Variants in TPTE observed in about 807,000 individuals in gnomAD.
The protein encoded by TPTE is transmembrane phosphatase with tensin homology, also known as putative tyrosine-protein phosphatase TPTE.
Under a neutral mutation model 84.1 loss-of-function variants are expected in TPTE, and 59 were observed. The ratio of observed to expected loss-of-function variants is 0.70; its 90% CI spans 0.57 to 0.87. The LOEUF (loss-of-function observed/expected upper bound fraction) is 0.87, where lower values mean the gene tolerates loss of function less well. TPTE is among the 40% of genes least tolerant of loss of function. The pLI is 0.00. For missense variants in TPTE, 382 were observed against 659.6 expected (o/e 0.58, Z 4.61); for synonymous variants, 130 against 223.5 (o/e 0.58, Z 3.73).
chr21:10,552,629 A>C, intron 7 of TPTE, 28 bp from the exon 8 acceptor site: 1 of 1,613,644 alleles, frequency 6.2e-7, no homozygotes, highest in Non-Finnish European at 8.5e-7. Flanking sequence ...CTAATGATAT[A>C]TTTTTGCTTT....
At chr21:10,547,665 T>C (rs2074493738) in intron 7 of TPTE, among the ~76,000 whole-genome samples, 2 of 152,308 alleles carry the variant, frequency 1.3e-5, no homozygotes, top group South Asian at 2.1e-4. Flanking sequence ...TGTGCCCTCC[T>C]CTGGGGGCCA....
chr21:10,539,701 G>A (rs1463700837), intron 4 of TPTE, among the ~76,000 whole-genome samples: 2 of 152,302 alleles, frequency 1.3e-5, no homozygotes, highest in African/African-American at 4.8e-5. Context: ...TAAGGGTAAG[G>A]CAATTTACAG....
intron 22 of TPTE, among the ~76,000 whole-genome samples, chr21:10,603,175 A>G (rs1322001740): frequency 6.6e-6 from 1 of 152,310 alleles, no homozygotes; most frequent in African/African-American, 2.4e-5. Context: ...AATCCAATTT[A>G]TAATTAAAAG....
At chr21:10,603,372 T>A (rs557734330) in intron 22 of TPTE, among the ~76,000 whole-genome samples, 190 bp from the exon 23 acceptor site, 1 of 152,426 alleles carries the variant, frequency 6.6e-6, no homozygotes, top group East Asian at 1.9e-4. Context: ...AGCAAGAGAA[T>A]GCAGTAGCAT....
chr21:10,543,018 T>TATCATCCTC (rs1408890970), intron 6 of TPTE, among the ~76,000 whole-genome samples: 124 of 114,062 alleles, frequency 1.1e-3, no homozygotes, highest in Middle Eastern at 3.8e-3. Flanking sequence ...TGTATTCTTT[T>TATCATCCTC]TTTTTTTTTT....
At chr21:10,605,370 T>C in intron 23 of TPTE, 47 bp from the exon 24 acceptor site, 1 of 1,601,088 alleles carries the variant, frequency 6.2e-7, no homozygotes, top group Non-Finnish European at 8.5e-7. Flanking sequence ...TGTGTGGCTT[T>C]TCAGTGAGCC....
intron 5 of TPTE, 80 bp from the exon 6 acceptor site, chr21:10,542,315 A>G (rs1309674918): frequency 1.3e-5 from 20 of 1,534,506 alleles, no homozygotes; most frequent in Non-Finnish European, 1.8e-5. Context: ...TTCTGTCTAG[A>G]GTAATGAAAG....
At chr21:10,524,004 T>C (rs1048875759) in intron 1 of TPTE, among the ~76,000 whole-genome samples, 18 of 152,306 alleles carry the variant, frequency 1.2e-4, no homozygotes, top group Admixed American at 1.1e-3. Context: ...AAGAATAGTA[T>C]GTTTTTAAGT....
At chr21:10,557,992 A>C (rs1471068270) in intron 8 of TPTE, among the ~76,000 whole-genome samples, 1 of 152,312 alleles carries the variant, frequency 6.6e-6, no homozygotes, top group African/African-American at 2.4e-5. Context: ...CTGATAGGTG[A>C]GAACATTCAG....
intron 3 of TPTE, among the ~76,000 whole-genome samples, chr21:10,535,129 C>G (rs1417019809): frequency 6.6e-6 from 1 of 152,306 alleles, no homozygotes; most frequent in East Asian, 1.9e-4. Flanking sequence ...CAGGTAGACT[C>G]TTGTCTAGAG....
At chr21:10,596,130 A>C in intron 20 of TPTE, 43 bp downstream of exon 20, 2 of 1,613,124 alleles carry the variant, frequency 1.2e-6, no homozygotes, top group South Asian at 1.1e-5. Flanking sequence ...CAGGAGGGCC[A>C]ATGTCCCCAC....
chr21:10,601,946 CTGTG>C (rs1978579510), intron 21 of TPTE, 108 bp from the exon 22 acceptor site: 2 of 1,157,398 alleles, frequency 1.7e-6, no homozygotes, highest in Non-Finnish European at 2.6e-6. Context: ...AGTGATTGGG[CTGTG>C]AGACCAAAAG....
At chr21:10,528,516 C>T (rs1377720412) in intron 3 of TPTE, among the ~76,000 whole-genome samples, 16 of 152,302 alleles carry the variant, frequency 1.1e-4, no homozygotes, top group Non-Finnish European at 1.5e-4. Flanking sequence ...GTCATATCAC[C>T]GCTCCATGTG....
intron 5 of TPTE, among the ~76,000 whole-genome samples, chr21:10,542,008 C>G (rs2074378395): frequency 6.6e-6 from 1 of 152,422 alleles, no homozygotes; most frequent in Non-Finnish European, 1.5e-5. Flanking sequence ...GAGAAACCAC[C>G]ATGCTGGGTG....
At chr21:10,523,721 A>G (rs1274245405) in intron 1 of TPTE, among the ~76,000 whole-genome samples, 1 of 152,294 alleles carries the variant, frequency 6.6e-6, no homozygotes, top group Non-Finnish European at 1.5e-5. Flanking sequence ...GGTTGGTTCC[A>G]AGTCTTTGCT....
intron 2 of TPTE, among the ~76,000 whole-genome samples, chr21:10,525,569 G>A (rs1360547245): frequency 5.3e-5 from 8 of 152,308 alleles, no homozygotes; most frequent in African/African-American, 1.4e-4. Context: ...TTTGGTCGGA[G>A]ACCTACTTTT....
intron 18 of TPTE, 37 bp downstream of exon 18, chr21:10,590,560 A>G: frequency 6.2e-7 from 1 of 1,613,030 alleles, no homozygotes. Flanking sequence ...TCTTAGGATG[A>G]TTGAGTTTGC....
At chr21:10,548,571 C>T (rs553108809) in intron 7 of TPTE, among the ~76,000 whole-genome samples, 2 of 152,412 alleles carry the variant, frequency 1.3e-5, no homozygotes, top group East Asian at 3.8e-4. Flanking sequence ...TAGAATAGCT[C>T]TATGGACTAC....
intron 8 of TPTE, among the ~76,000 whole-genome samples, chr21:10,556,854 C>G (rs1446354160): frequency 6.6e-6 from 1 of 152,310 alleles, no homozygotes; most frequent in Non-Finnish European, 1.5e-5. Context: ...TGAGAAGTGT[C>G]TGTTCATATC....
Sources: gnomAD v4.1 joint callset for allele counts (sites outside exome capture counted in the v4.1 genomes callset) on GRCh38, gnomAD v4.1.1 for gene constraint, MANE v1.5 for transcripts, NCBI Gene and HGNC (gene_info 2026-07-23, HGNC 2026-07-21) for gene names.